Variants in VKORC1L1 observed in about 807,000 individuals in gnomAD.
The protein encoded by VKORC1L1 is vitamin K epoxide reductase complex subunit 1-like protein 1.
VKORC1L1 carries 2 observed loss-of-function variants against 18.9 expected under a neutral mutation model. The observed-to-expected ratio is 0.11, with a 90% CI of 0.04 to 0.33. The LOEUF (loss-of-function observed/expected upper bound fraction) is 0.33, where lower values mean the gene tolerates loss of function less well. Ranked by LOEUF, VKORC1L1 falls within the 10% of genes least tolerant of loss-of-function variation. The probability of loss-of-function intolerance (pLI) is 1.00; values close to 1 mark genes in which losing one functional copy is unlikely to be tolerated. For synonymous variants in VKORC1L1, 96 were observed against 100.0 expected, an observed-to-expected ratio of 0.96 and a Z score of 0.24; for missense variants, 123 against 224.1, an observed-to-expected ratio of 0.55 and a Z score of 2.88.
At chr7:65,929,154 A>G (rs1789814649) in intron 1 of VKORC1L1, among the ~76,000 whole-genome samples, 1 of 152,186 alleles carries the variant, frequency 6.6e-6, no homozygotes, top group African/African-American at 2.4e-5. Flanking sequence ...CACGCCTGTA[A>G]TCCCAGCACT....
intron 1 of VKORC1L1, among the ~76,000 whole-genome samples, chr7:65,942,246 G>A (rs1465774095): frequency 6.6e-6 from 1 of 151,850 alleles, no homozygotes; most frequent in East Asian, 2.0e-4. Flanking sequence ...CCAGCACTTT[G>A]GGAGGCTGAG....
intron 1 of VKORC1L1, among the ~76,000 whole-genome samples, chr7:65,916,787 G>A (rs1184490504): frequency 9.2e-5 from 14 of 151,916 alleles, no homozygotes; most frequent in African/African-American, 7.3e-5. Flanking sequence ...TAGTAGAAAC[G>A]GGGTTTCTCC....
intron 1 of VKORC1L1, among the ~76,000 whole-genome samples, chr7:65,915,782 A>G (rs1207430335): frequency 2.0e-5 from 3 of 151,980 alleles, no homozygotes; most frequent in Non-Finnish European, 4.4e-5. Flanking sequence ...GTGCTATTCC[A>G]TCATTCATTC....
At chr7:65,903,912 A>G (rs1351593077) in intron 1 of VKORC1L1, among the ~76,000 whole-genome samples, 1 of 152,190 alleles carries the variant, frequency 6.6e-6, no homozygotes, top group Non-Finnish European at 1.5e-5. Context: ...AGTGCTAGAA[A>G]TGGTAACTGG....
At chr7:65,903,473 C>T (rs965968584) in intron 1 of VKORC1L1, among the ~76,000 whole-genome samples, 2 of 152,092 alleles carry the variant, frequency 1.3e-5, no homozygotes, top group African/African-American at 2.4e-5. Context: ...CCTGGAGAGA[C>T]ACCTTTAAAG....
intron 1 of VKORC1L1, among the ~76,000 whole-genome samples, chr7:65,893,742 G>C (rs1398857823): frequency 6.6e-6 from 1 of 152,164 alleles, no homozygotes; most frequent in Non-Finnish European, 1.5e-5. Flanking sequence ...AAGCATTTTA[G>C]AGTCTCAGTA....
At chr7:65,878,412 C>T (rs1788866810) in intron 1 of VKORC1L1, among the ~76,000 whole-genome samples, 1 of 150,690 alleles carries the variant, frequency 6.6e-6, no homozygotes, top group South Asian at 2.1e-4. Context: ...GTGCCACTGC[C>T]CTCCTGCCTG....
At chr7:65,876,502 T>TAA (rs776287254) in intron 1 of VKORC1L1, among the ~76,000 whole-genome samples, 9 of 137,104 alleles carry the variant, frequency 6.6e-5, no homozygotes, top group South Asian at 2.3e-4. Context: ...ACTCTGTCTT[T>TAA]AAAAAAAAAA....
intron 1 of VKORC1L1, among the ~76,000 whole-genome samples, chr7:65,875,765 T>A (rs554492230): frequency 6.6e-6 from 1 of 152,282 alleles, no homozygotes; most frequent in African/African-American, 2.4e-5. Context: ...TCAAGTTAGT[T>A]TTTTTTGAGT....
intron 1 of VKORC1L1, among the ~76,000 whole-genome samples, chr7:65,887,245 A>C (rs1395918499): frequency 6.6e-6 from 1 of 152,130 alleles, no homozygotes; most frequent in Admixed American, 6.5e-5. Flanking sequence ...GTTAATTCAT[A>C]ACAGTTTTCT....
chr7:65,877,100 G>C (rs2116322463), intron 1 of VKORC1L1, among the ~76,000 whole-genome samples: 1 of 152,338 alleles, frequency 6.6e-6, no homozygotes, highest in African/African-American at 2.4e-5. Flanking sequence ...ACGATGAAAA[G>C]TGATACATGT....
At chr7:65,871,382 G>A (rs962088296), upstream of VKORC1L1, among the ~76,000 whole-genome samples, 106 of 152,140 alleles carry the variant, frequency 7.0e-4, no homozygotes, top group African/African-American at 2.4e-3. Flanking sequence ...TTTTAGTAGA[G>A]ACGGGGTTTC....
chr7:65,907,835 T>G (rs1413349035), intron 1 of VKORC1L1, among the ~76,000 whole-genome samples: 2 of 152,140 alleles, frequency 1.3e-5, no homozygotes, highest in Admixed American at 1.3e-4. Context: ...TTTACTCAGC[T>G]GGTTAACCTA....
At chr7:65,944,948 C>T (rs1790093726) in intron 1 of VKORC1L1, among the ~76,000 whole-genome samples, 1 of 151,160 alleles carries the variant, frequency 6.6e-6, no homozygotes, top group Admixed American at 6.6e-5. Flanking sequence ...TTCTGGCTTA[C>T]CATATTAGCG....
At chr7:65,874,209 A>G (rs1444093432) in intron 1 of VKORC1L1, among the ~76,000 whole-genome samples, 1 of 152,036 alleles carries the variant, frequency 6.6e-6, no homozygotes, top group Admixed American at 6.5e-5. Flanking sequence ...AGATACCCGC[A>G]CTTAACATAT....
At chr7:65,895,895 T>C (rs1032357493) in intron 1 of VKORC1L1, among the ~76,000 whole-genome samples, 1 of 119,548 alleles carries the variant, frequency 8.4e-6, no homozygotes, top group African/African-American at 3.8e-5. Context: ...ATCTCACTTC[T>C]TTTTTTTTTT....
intron 1 of VKORC1L1, among the ~76,000 whole-genome samples, chr7:65,909,496 A>G (rs1156596774): frequency 5.3e-5 from 8 of 152,160 alleles, no homozygotes; most frequent in South Asian, 4.1e-4. Flanking sequence ...GCATTAGCCA[A>G]TTGTAACAGT....
chr7:65,951,179 A>G lies in VKORC1L1; in HGVS notation c.304+2399A>G, dbSNP rs150910652. 1.6e-3 allele frequency among the ~76,000 whole-genome samples: 237 copies of G among 152,340 alleles called. 1 individual carries two copies. Among genetic ancestry groups the G allele is most frequent in the African/African-American group, 5.5e-3 (230 of 41,574 alleles). On this transcript the variant is annotated intron_variant, in intron 2 of 2. Transcript: ENST00000360768. ...ATGGGAGGCACATTTGAACTAACCT[A>G]GCAATTTCCAGAGCACAGCATCTGT...
At chr7:65,950,879 T>C (rs1034954983) in intron 2 of VKORC1L1, among the ~76,000 whole-genome samples, 3 of 152,182 alleles carry the variant, frequency 2.0e-5, no homozygotes, top group Non-Finnish European at 4.4e-5. Flanking sequence ...CACTAGGTAT[T>C]CTGCATGTTT....
Sources: gnomAD v4.1 joint callset for allele counts (sites outside exome capture counted in the v4.1 genomes callset) on GRCh38, gnomAD v4.1.1 for gene constraint, MANE v1.5 for transcripts, NCBI Gene and HGNC (gene_info 2026-07-23, HGNC 2026-07-21) for gene names.